The following ME3 variants were observed in gnomAD, a reference collection of about 807,000 sequenced individuals.
ME3 encodes the protein NADP-dependent malic enzyme, mitochondrial.
ME3 carries 48 observed loss-of-function variants against 68.9 expected under a neutral mutation model. The ratio of observed to expected loss-of-function variants is 0.70; its 90% confidence interval spans 0.55 to 0.89. The LOEUF is 0.89. Ranked by LOEUF, ME3 falls within the 40% of genes least tolerant of loss-of-function variation. The pLI, the probability that ME3 is intolerant of heterozygous loss-of-function variation, is 0.00. For synonymous variants in ME3, 320 were observed against 318.8 expected (o/e 1.00, Z -0.04); for missense variants, 675 against 797.4 (o/e 0.85, Z 1.85).
intron 2 of ME3, among the ~76,000 whole-genome samples, chr11:86,665,313 G>A (rs547798943): frequency 6.6e-6 from 1 of 152,292 alleles, no homozygotes; most frequent in East Asian, 1.9e-4. Flanking sequence ...CAAGAAGGTT[G>A]AAAGGACTGT....
intron 7 of ME3, among the ~76,000 whole-genome samples, chr11:86,472,959 G>A (rs1479292762): frequency 1.3e-5 from 2 of 152,232 alleles, no homozygotes; most frequent in African/African-American, 2.4e-5. Context: ...TCTGTGGAAC[G>A]TTCTAACGAA....
In ME3 at chr11:86,512,071, C is replaced by T. The variant is rs56870689; in HGVS notation, c.468-3204G>A. ...TTCTCAGGAGGCTAAGCCACTCCCT[C>T]CTCTCAGCTGCCTTGTGTTAATTAA... On this transcript the variant is annotated intron_variant, in intron 4 of 14. Coordinates refer to ENST00000543262, the Ensembl canonical transcript of ME3. 1.9e-3 allele frequency among the ~76,000 whole-genome samples: 291 copies of T among 152,284 alleles called. 1 individual carries two copies. The highest frequency in any genetic ancestry group is 6.7e-3 in the African/African-American group (279 of 41,560).
intron 4 of ME3, among the ~76,000 whole-genome samples, chr11:86,552,208 TGAG>T (rs145022617): frequency 0.013 from 2,030 of 152,292 alleles, 57 homozygotes; most frequent in African/African-American, 0.046. Flanking sequence ...ATTTCACACA[TGAG>T]GAGGCTGAGG....
intron 4 of ME3, among the ~76,000 whole-genome samples, chr11:86,532,088 C>A (rs756574746): frequency 3.4e-4 from 51 of 151,150 alleles, no homozygotes; most frequent in Non-Finnish European, 1.5e-4. Context: ...TCAGACAGAA[C>A]AGTATAGATA....
intron 8 of ME3, chr11:86,457,716 T>C: frequency 1.6e-6 from 2 of 1,288,072 alleles, no homozygotes; most frequent in Non-Finnish European, 2.0e-6. Context: ...ACATGACTTG[T>C]GCCCATAAAT....
chr11:86,473,760 CAG>C (rs143384204), intron 7 of ME3, among the ~76,000 whole-genome samples: 4,921 of 152,198 alleles, frequency 0.032, 172 homozygotes, highest in African/African-American at 0.087. Flanking sequence ...ACAAGGATGA[CAG>C]GGAATCTATA....
chr11:86,654,777 C>T lies in ME3; in HGVS notation c.183+16985G>A, dbSNP rs1457366056. On this transcript the variant is annotated intron_variant, in intron 2 of 14. Coordinates refer to ENST00000543262, the Ensembl canonical transcript of ME3. Reference sequence around the variant, plus strand: ...TCAGGCAGGAGAAGGAAATAAAGGTCATTCAATTAGGAAAAGAGGAAGTCA... The same window carrying T: ...TCAGGCAGGAGAAGGAAATAAAGGTTATTCAATTAGGAAAAGAGGAAGTCA... Among the ~76,000 whole-genome samples, 10 of 152,008 alleles carry T rather than the reference C, an allele frequency of 6.6e-5. No individual in the cohort carries two copies. The East Asian group carries it at 7.7e-4, about 12-fold the overall frequency.
At chr11:86,534,783 G>C (rs750412800) in intron 4 of ME3, among the ~76,000 whole-genome samples, 3 of 152,170 alleles carry the variant, frequency 2.0e-5, no homozygotes, top group Non-Finnish European at 4.4e-5. Flanking sequence ...TACAAAGTGA[G>C]AATAGTTGAG....
At chr11:86,446,363 G>A in exon 13 of ME3, 1 of 1,614,188 alleles carries the variant, frequency 6.2e-7, no homozygotes, top group African/African-American at 1.3e-5. Flanking sequence ...GATCCCGCCG[G>A]CGATGACTCC....
chr11:86,567,189 C>T (rs1957525698), intron 2 of ME3, among the ~76,000 whole-genome samples: 1 of 150,290 alleles, frequency 6.7e-6, no homozygotes, highest in Non-Finnish European at 1.5e-5. Context: ...TGCACTCCAG[C>T]CTGGGCAACA....
chr11:86,496,855 G>A (rs1952367125), intron 6 of ME3, among the ~76,000 whole-genome samples: 1 of 135,698 alleles, frequency 7.4e-6, no homozygotes, highest in East Asian at 2.2e-4. Context: ...TATATAATAA[G>A]AACACCACTT....
In ME3 at chr11:86,648,738, T is replaced by C. The variant is rs148080757; in HGVS notation, c.183+23024A>G. On this transcript the variant is annotated intron_variant, in intron 2 of 14. Coordinates refer to ENST00000543262, the Ensembl canonical transcript of ME3. ...ATATAAACTAGAAAATCTAGAAAAATGTGAATAAATTCCTGGACACATACA... is the reference window on the plus strand; with the variant it reads ...ATATAAACTAGAAAATCTAGAAAAACGTGAATAAATTCCTGGACACATACA... Among the ~76,000 whole-genome samples, 123 of 152,026 alleles carry C rather than the reference T, an allele frequency of 8.1e-4. 1 individual carries two copies. The highest frequency in any genetic ancestry group is 2.8e-3 in the African/African-American group (118 of 41,472).
intron 14 of ME3, 122 bp downstream of exon 14, chr11:86,442,699 T>G: frequency 2.6e-6 from 2 of 758,362 alleles, no homozygotes; most frequent in East Asian, 5.6e-5. Flanking sequence ...GGGTTACAGG[T>G]AGTGCAGCTC....
chr11:86,543,481 C>CA (rs1182007191), intron 4 of ME3, among the ~76,000 whole-genome samples: 6 of 151,648 alleles, frequency 4.0e-5, no homozygotes, highest in Admixed American at 2.0e-4. Flanking sequence ...AAATGGAAAG[C>CA]AAAAAAAGCA....
intron 2 of ME3, among the ~76,000 whole-genome samples, chr11:86,626,806 A>G (rs1458754447): frequency 6.6e-6 from 1 of 152,206 alleles, no homozygotes; most frequent in African/African-American, 2.4e-5. Context: ...TGCCAATCCC[A>G]GCTTAGAGTT....
chr11:86,665,412 G>T (rs1031915142), intron 2 of ME3, among the ~76,000 whole-genome samples: 1 of 152,166 alleles, frequency 6.6e-6, no homozygotes, highest in African/African-American at 2.4e-5. Context: ...TGTGGCTATG[G>T]AGGGGTGGTG....
chr11:86,464,634 A>C (rs1321362856), intron 8 of ME3, among the ~76,000 whole-genome samples: 1 of 152,184 alleles, frequency 6.6e-6, no homozygotes, highest in African/African-American at 2.4e-5. Flanking sequence ...GGGGAAGGCC[A>C]TTTTTATGGT....
At chr11:86,446,517 C>T (rs773845850) in intron 12 of ME3, 30 bp from the exon 13 acceptor site, 1 of 1,611,370 alleles carries the variant, frequency 6.2e-7, no homozygotes, top group Non-Finnish European at 8.5e-7. Context: ...CAGAGATGAA[C>T]TTGGAGATTG....
intron 2 of ME3, among the ~76,000 whole-genome samples, chr11:86,560,744 GTGTGTA>G (rs1957178087): frequency 5.8e-4 from 39 of 66,914 alleles, no homozygotes; most frequent in Non-Finnish European, 6.5e-4. Context: ...GTGTGTGTGT[GTGTGTA>G]TATATATATA....
Sources: allele counts gnomAD v4.1 joint callset (sites outside exome capture counted in the v4.1 genomes callset), GRCh38; gene constraint gnomAD v4.1.1; transcripts MANE v1.5; gene names NCBI Gene and HGNC (gene_info 2026-07-23, HGNC 2026-07-21).